COP1: variants seen among roughly 807,000 people sequenced by gnomAD.
The protein encoded by COP1 is COP1 E3 ubiquitin ligase, also known as E3 ubiquitin-protein ligase COP1.
COP1 carries 24 observed loss-of-function variants against 101.3 expected under a neutral mutation model. The ratio of observed to expected loss-of-function variants is 0.24; its 90% CI spans 0.17 to 0.33. The LOEUF (loss-of-function observed/expected upper bound fraction) is 0.33, where lower values mean the gene tolerates loss of function less well. Ranked by LOEUF, COP1 falls within the 10% of genes least tolerant of loss-of-function variation. The probability of loss-of-function intolerance (pLI) is 1.00; values close to 1 mark genes in which losing one functional copy is unlikely to be tolerated. For missense variants in COP1, 663 were observed against 906.2 expected (o/e 0.73, Z 3.45); for synonymous variants, 347 against 341.9 (o/e 1.01, Z -0.17).
chr1:176,148,016 T>A (rs1334297301), intron 6 of COP1, among the ~76,000 whole-genome samples: 1 of 152,158 alleles, frequency 6.6e-6, no homozygotes, highest in Non-Finnish European at 1.5e-5. Context: ...ACATTGCCAT[T>A]TATATTGCAC....
At chr1:176,026,765 A>AT (rs892346183) in intron 15 of COP1, among the ~76,000 whole-genome samples, 28 of 151,128 alleles carry the variant, frequency 1.9e-4, no homozygotes, top group African/African-American at 7.3e-5. Context: ...GCTAACTTGT[A>AT]TTTTTTTTTG....
intron 19 of COP1, among the ~76,000 whole-genome samples, chr1:175,945,928 A>T (rs1417638660): frequency 6.6e-6 from 1 of 152,226 alleles, no homozygotes; most frequent in South Asian, 2.1e-4. Context: ...GCTACTTAAC[A>T]TAAGAAGTCA....
chr1:176,141,353 T>G (rs987956975), intron 6 of COP1, among the ~76,000 whole-genome samples: 1 of 151,972 alleles, frequency 6.6e-6, no homozygotes, highest in African/African-American at 2.4e-5. Context: ...ATATAAAAAT[T>G]AGCCAGGCGT....
intron 18 of COP1, among the ~76,000 whole-genome samples, chr1:175,949,878 C>T (rs1022800845): frequency 6.6e-6 from 1 of 152,120 alleles, no homozygotes; most frequent in Non-Finnish European, 1.5e-5. Flanking sequence ...CTACTTCTGG[C>T]AGTTACAGGG....
At chr1:176,198,962 TAAAAC>T (rs1313326218) in intron 1 of COP1, among the ~76,000 whole-genome samples, 2 of 151,976 alleles carry the variant, frequency 1.3e-5, no homozygotes, top group Non-Finnish European at 2.9e-5. Flanking sequence ...TAAAAACAAA[TAAAAC>T]AATACAAGAA....
intron 18 of COP1, among the ~76,000 whole-genome samples, chr1:175,968,820 C>T (rs1652670133): frequency 6.6e-6 from 1 of 152,152 alleles, no homozygotes; most frequent in Non-Finnish European, 1.5e-5. Flanking sequence ...GCCAACTGGC[C>T]CTAAACAACT....
chr1:176,030,938 G>C (rs1315010744), intron 14 of COP1, among the ~76,000 whole-genome samples: 1 of 152,130 alleles, frequency 6.6e-6, no homozygotes, highest in Non-Finnish European at 1.5e-5. Flanking sequence ...CATAAGGAGA[G>C]AGAGATTTAG....
At chr1:176,100,869 C>A (rs758315288) in intron 9 of COP1, among the ~76,000 whole-genome samples, 3 of 152,108 alleles carry the variant, frequency 2.0e-5, no homozygotes, top group African/African-American at 4.8e-5. Context: ...ACCCCCACCC[C>A]CCAAGACACA....
Position 176,113,591 on chromosome 1 carries a change from G to T in COP1, c.1026+3033C>A, listed in dbSNP as rs548682152. On this transcript the variant is annotated intron_variant, in intron 9 of 19. Coordinates refer to ENST00000367669, the MANE Select transcript of COP1 (RefSeq NM_022457.7). ...ATGGTAACTGTGGAAACCTTTTCTT[G>T]TTCCCCTATATAAAGTTTGGTCAAA... Among the ~76,000 whole-genome samples the T allele has an allele frequency of 6.6e-5, 10 of 152,032 alleles. No homozygotes were observed. The South Asian group carries it at 1.7e-3, about 25-fold the overall frequency.
At chr1:176,057,907 C>A (rs556339675) in intron 11 of COP1, among the ~76,000 whole-genome samples, 4 of 152,056 alleles carry the variant, frequency 2.6e-5, no homozygotes, top group Admixed American at 2.0e-4. Context: ...TCTGCCCGGC[C>A]GCCCATCCTC....
chr1:176,121,337 C>T (rs1687082969), intron 8 of COP1, among the ~76,000 whole-genome samples: 2 of 151,958 alleles, frequency 1.3e-5, no homozygotes, highest in Admixed American at 1.3e-4. Flanking sequence ...TATTAGAAAT[C>T]ATTCTTCATG....
At chr1:176,077,820 C>T (rs893313720) in intron 11 of COP1, among the ~76,000 whole-genome samples, 5 of 152,072 alleles carry the variant, frequency 3.3e-5, no homozygotes, top group Admixed American at 6.6e-5. Flanking sequence ...AATACAAAAT[C>T]GATGTACAAA....
intron 11 of COP1, among the ~76,000 whole-genome samples, chr1:176,066,337 G>A (rs1239567791): frequency 2.0e-5 from 3 of 152,028 alleles, no homozygotes; most frequent in Non-Finnish European, 4.4e-5. Context: ...CTTTTCTCCT[G>A]TCAATTTGTT....
chr1:176,179,402 G>T (rs1266898184), intron 2 of COP1, among the ~76,000 whole-genome samples: 2 of 152,150 alleles, frequency 1.3e-5, no homozygotes, highest in Non-Finnish European at 2.9e-5. Flanking sequence ...GATAGAAAAT[G>T]TGCATATGAC....
chr1:176,033,152 C>T (rs1299923273), intron 14 of COP1, among the ~76,000 whole-genome samples: 1 of 152,140 alleles, frequency 6.6e-6, no homozygotes, highest in East Asian at 1.9e-4. Context: ...TGGCTCATGC[C>T]TGTAATCCCA....
In COP1 at chr1:176,043,289, T is replaced by G. The variant is rs747973787; in HGVS notation, c.1531-22A>C. The G allele has an allele frequency of 9.1e-6, 13 of 1,422,086 alleles. No individual in the cohort carries two copies. The African/African-American group carries it at 1.1e-4, about 12-fold the overall frequency. The allele number at this position is 1,422,086 out of a possible 1,614,324, so 88.1% of individuals were successfully genotyped here. A position where few individuals can be genotyped will look rare whatever the true frequency, so the allele number is the denominator to read the frequency against. On this transcript the variant is annotated intron_variant, in intron 13 of 19. Transcript: ENST00000367669. The stretch of plus-strand genomic sequence containing the variant: ...GCTCCTGGAAGCAGAAAGAAGACAG[T>G]AGCCTCAGATAGAATACAGATCTCA...
chr1:176,059,301 A>G (rs1462204424), intron 11 of COP1, among the ~76,000 whole-genome samples: 2 of 152,192 alleles, frequency 1.3e-5, no homozygotes, highest in Non-Finnish European at 2.9e-5. Flanking sequence ...TTATCTTTGT[A>G]TGGCAATAAA....
At chr1:176,069,987 T>C (rs1381700045) in intron 11 of COP1, among the ~76,000 whole-genome samples, 1 of 152,196 alleles carries the variant, frequency 6.6e-6, no homozygotes, top group Non-Finnish European at 1.5e-5. Flanking sequence ...ACAACTATGG[T>C]GTCAATTACT....
At chr1:175,961,358 G>A (rs192310362) in intron 18 of COP1, among the ~76,000 whole-genome samples, 9 of 152,276 alleles carry the variant, frequency 5.9e-5, no homozygotes, top group Admixed American at 6.5e-5. Context: ...TCATTATACA[G>A]TAGTGACTTT....
Sources: gnomAD v4.1 joint callset for allele counts (sites outside exome capture counted in the v4.1 genomes callset) on GRCh38, gnomAD v4.1.1 for gene constraint, MANE v1.5 for transcripts, NCBI Gene and HGNC (gene_info 2026-07-23, HGNC 2026-07-21) for gene names.